SLC7A8: variants seen among roughly 807,000 people sequenced by gnomAD.
The protein encoded by SLC7A8 is large neutral amino acids transporter small subunit 2.
Under a neutral mutation model 51.2 loss-of-function variants are expected in SLC7A8, and 30 were observed. The observed-to-expected ratio is 0.59, with a 90% CI of 0.44 to 0.80. The LOEUF (loss-of-function observed/expected upper bound fraction) is 0.80. Ranked by LOEUF, SLC7A8 falls within the 30% of genes least tolerant of loss-of-function variation. SLC7A8 has a pLI of 0.00. For synonymous variants in SLC7A8, 257 were observed against 275.8 expected, an observed-to-expected ratio of 0.93 and a Z score of 0.67; for missense variants, 612 against 674.4, an observed-to-expected ratio of 0.91 and a Z score of 1.03.
rs10151212 is a variant in SLC7A8, at chr14:23,140,898, A to G, written c.635-274T>C. On this transcript the variant is annotated intron_variant, in intron 4 of 10. Coordinates refer to ENST00000316902, the MANE Select transcript of SLC7A8 (RefSeq NM_012244.4). ...GTAAAAGGCAAAGTTATTTAAAAGG[A>G]AAGGACATGGTAAATTGGGCTTTGG... 2.0e-3 allele frequency among the ~76,000 whole-genome samples: 304 copies of G among 152,344 alleles called. 2 individuals are homozygous for G. Among genetic ancestry groups the G allele is most frequent in the African/African-American group, 6.9e-3 (286 of 41,582 alleles).
chr14:23,144,341 A>AATTTTTTTTTTTTTTTT lies in SLC7A8; in HGVS notation c.509-1138_509-1137insAAAAAAAAAAAAAAAAT, dbSNP rs375223021. Among the ~76,000 whole-genome samples, 5 of 114,356 alleles carry AATTTTTTTTTTTTTTTT rather than the reference A, an allele frequency of 4.4e-5. 1 individual carries two copies. The highest frequency in any genetic ancestry group is 6.2e-5 in the African/African-American group (2 of 32,014). The allele number at this position is 114,356 out of a possible 152,430, so 75.0% of individuals were successfully genotyped here. A position where few individuals can be genotyped will look rare whatever the true frequency, so the allele number is the denominator to read the frequency against. ...ATTTGGTATTGTCAGTTTAAACACAATTTTTTTTTTTTTTTTTTTTTTGGC... is the reference window on the plus strand; with the variant it reads ...ATTTGGTATTGTCAGTTTAAACACAAATTTTTTTTTTTTTTTTTTTTTTTTTTTTTTTTTTTTTTGGC... On this transcript the variant is annotated intron_variant, in intron 3 of 10. Coordinates refer to ENST00000316902, the MANE Select transcript of SLC7A8 (RefSeq NM_012244.4).
chr14:23,141,303 AAAAC>A lies in SLC7A8; in HGVS notation c.635-683_635-680del, dbSNP rs372427499. ...CTGTCTCCAAAAAAGAAAAAAGAAA[AAAAC>A]AAACAAACAAAAAAAGCAAGCATCC... On this transcript the variant is annotated intron_variant, in intron 4 of 10. Coordinates refer to ENST00000316902, the MANE Select transcript of SLC7A8 (RefSeq NM_012244.4). Among the ~76,000 whole-genome samples, 509 of 152,316 alleles carry A rather than the reference AAAAC, an allele frequency of 3.3e-3. 3 individuals are homozygous for A. Among genetic ancestry groups the A allele is most frequent in the African/African-American group, 0.012 (487 of 41,566 alleles).
At chr14:23,145,451 C>T (rs1003442444) in intron 3 of SLC7A8, among the ~76,000 whole-genome samples, 27 of 149,420 alleles carry the variant, frequency 1.8e-4, no homozygotes, top group African/African-American at 5.9e-4. Flanking sequence ...CACTTGTACC[C>T]GGGAGGCGGA....
intron 3 of SLC7A8, among the ~76,000 whole-genome samples, chr14:23,144,090 T>C (rs547443579): frequency 1.3e-5 from 2 of 152,348 alleles, no homozygotes; most frequent in South Asian, 4.1e-4. Flanking sequence ...TGAATAGAGT[T>C]GTGATAAATA....
intron 1 of SLC7A8, among the ~76,000 whole-genome samples, chr14:23,172,941 T>G (rs2048982036): frequency 6.6e-6 from 1 of 152,158 alleles, no homozygotes; most frequent in South Asian, 2.1e-4. Context: ...AGCCCAAAAA[T>G]GTAGTATTCA....
At chr14:23,152,107 A>G (rs2048852777) in intron 3 of SLC7A8, among the ~76,000 whole-genome samples, 1 of 152,126 alleles carries the variant, frequency 6.6e-6, no homozygotes, top group Non-Finnish European at 1.5e-5. Flanking sequence ...AGTACACGTT[A>G]TTCCCAGAGA....
chr14:23,156,921 AGAG>A (rs1287507782), intron 3 of SLC7A8, among the ~76,000 whole-genome samples: 10 of 152,246 alleles, frequency 6.6e-5, no homozygotes, highest in Admixed American at 6.5e-4. Context: ...GAATCAGGAA[AGAG>A]GAGGTGATCT....
chr14:23,176,754 C>T (rs750827278), intron 1 of SLC7A8, among the ~76,000 whole-genome samples: 4 of 151,838 alleles, frequency 2.6e-5, no homozygotes, highest in Non-Finnish European at 4.4e-5. Flanking sequence ...CTAGCCTGGC[C>T]AACATGGTGA....
At chr14:23,173,306 C>T (rs10146083) in intron 1 of SLC7A8, among the ~76,000 whole-genome samples, 4,792 of 152,276 alleles carry the variant, frequency 0.031, 285 homozygotes, top group African/African-American at 0.11. Context: ...AAAAAAATCA[C>T]TGGCATGGGC....
chr14:23,135,760 C>T (rs1452261811), intron 7 of SLC7A8, among the ~76,000 whole-genome samples: 6 of 151,812 alleles, frequency 4.0e-5, no homozygotes, highest in African/African-American at 1.5e-4. Flanking sequence ...AAAGAAAAGA[C>T]AATATTGAAG....
chr14:23,165,883 G>T lies in SLC7A8; in HGVS notation c.357-447C>A, dbSNP rs2048947157. Among the ~76,000 whole-genome samples the T allele has an allele frequency of 6.6e-6, 1 of 152,164 alleles. No homozygotes were observed. The highest frequency in any genetic ancestry group is 1.5e-5 in the Non-Finnish European group (1 of 68,026). ...GTGAGGGTTTACCAATGGCAGGGAT[G>T]CAGAAATTGAGGAAATTTAAGATTA... On this transcript the variant is annotated intron_variant, in intron 2 of 10. Transcript: ENST00000316902. This position sits in a 1 kb window ranked among gnomAD's most constrained non-coding sequence, Gnocchi z 4.2.
At chr14:23,138,116 TC>T in intron 6 of SLC7A8, 92 bp from the exon 7 acceptor site, 1 of 1,456,564 alleles carries the variant, frequency 6.9e-7, no homozygotes, top group East Asian at 2.3e-5. Context: ...GTTTCTCCTA[TC>T]TCCACCCTTG....
chr14:23,176,881 G>T (rs1428584895), intron 1 of SLC7A8, among the ~76,000 whole-genome samples: 1 of 148,070 alleles, frequency 6.8e-6, no homozygotes, highest in Non-Finnish European at 1.5e-5. Flanking sequence ...GGGAGAGGTT[G>T]CAGTGAGCCG....
intron 1 of SLC7A8, among the ~76,000 whole-genome samples, chr14:23,176,087 A>G (rs2140340749): frequency 6.6e-6 from 1 of 152,366 alleles, no homozygotes; most frequent in Middle Eastern, 3.4e-3. Context: ...ATTGAAGTAC[A>G]AACTCAAGAA....
At chr14:23,178,070 A>G (rs1021417527) in intron 1 of SLC7A8, among the ~76,000 whole-genome samples, 13 of 152,170 alleles carry the variant, frequency 8.5e-5, no homozygotes, top group African/African-American at 2.9e-4. Flanking sequence ...AAAGTTGCTT[A>G]CCCCTTTGAG....
intron 3 of SLC7A8, chr14:23,155,493 C>T (rs2048886369): frequency 1.4e-6 from 2 of 1,401,514 alleles, no homozygotes; most frequent in Admixed American, 3.1e-5. Context: ...CAGGAATACC[C>T]AGCTCAGCAT....
intron 3 of SLC7A8, among the ~76,000 whole-genome samples, chr14:23,149,175 T>G (rs2140321723): frequency 6.6e-6 from 1 of 152,346 alleles, no homozygotes; most frequent in Admixed American, 6.5e-5. Flanking sequence ...CCAACCCTAG[T>G]TGGGATCCCA....
chr14:23,134,619 G>A (rs781497448), intron 7 of SLC7A8, among the ~76,000 whole-genome samples: 5 of 151,442 alleles, frequency 3.3e-5, no homozygotes, highest in East Asian at 2.0e-4. Context: ...GTAGAGTGGC[G>A]TGATTATAGC....
At chr14:23,168,665 A>G (rs1032528745) in intron 1 of SLC7A8, among the ~76,000 whole-genome samples, 1 of 152,232 alleles carries the variant, frequency 6.6e-6, no homozygotes, top group Non-Finnish European at 1.5e-5. Context: ...CTTAGAGCCA[A>G]GAATGGCTGT....
Sources: allele counts gnomAD v4.1 joint callset (sites outside exome capture counted in the v4.1 genomes callset), GRCh38; gene constraint gnomAD v4.1.1; non-coding constraint Gnocchi (gnomAD v3.1); transcripts MANE v1.5; gene names NCBI Gene and HGNC (gene_info 2026-07-23, HGNC 2026-07-21).